The following CDH6 variants were observed in gnomAD, a reference collection of about 807,000 sequenced individuals.
CDH6 encodes the protein cadherin-6.
CDH6 carries 31 observed loss-of-function variants against 78.0 expected under a neutral mutation model. The ratio of observed to expected loss-of-function variants is 0.40; its 90% confidence interval spans 0.30 to 0.54. The LOEUF (loss-of-function observed/expected upper bound fraction) is 0.54, where lower values mean the gene tolerates loss of function less well. CDH6 is among the 20% of genes least tolerant of loss of function. The probability of loss-of-function intolerance (pLI) is 0.56; values close to 1 mark genes in which losing one functional copy is unlikely to be tolerated. For synonymous variants in CDH6, 376 were observed against 368.8 expected, an observed-to-expected ratio of 1.02 and a Z score of -0.23; for missense variants, 724 against 975.9, an observed-to-expected ratio of 0.74 and a Z score of 3.44.
intron 1 of CDH6, among the ~76,000 whole-genome samples, chr5:31,227,442 TAAAC>T (rs1741184281): frequency 1.3e-5 from 2 of 152,190 alleles, no homozygotes; most frequent in Admixed American, 1.3e-4. Flanking sequence ...ATATAATAAA[TAAAC>T]AAGCATATAC....
chr5:31,237,870 C>G (rs534024661), intron 1 of CDH6, among the ~76,000 whole-genome samples: 1 of 152,306 alleles, frequency 6.6e-6, no homozygotes, highest in Non-Finnish European at 1.5e-5. Flanking sequence ...CAACTTCTTG[C>G]AAACTCTGGA....
intron 6 of CDH6, among the ~76,000 whole-genome samples, chr5:31,304,418 GGCTC>G (rs1737917548): frequency 6.6e-6 from 1 of 152,160 alleles, no homozygotes; most frequent in Non-Finnish European, 1.5e-5. Context: ...CAGGCACCGT[GGCTC>G]ACGCTTGTAA....
intron 2 of CDH6, among the ~76,000 whole-genome samples, chr5:31,277,537 T>C (rs1466183917): frequency 2.6e-5 from 4 of 152,358 alleles, no homozygotes; most frequent in African/African-American, 9.6e-5. Context: ...TTACCCTGAA[T>C]GTTTCACCTT....
At chr5:31,318,272 T>C (rs3792833) in intron 11 of CDH6, 32,916 of 552,636 alleles carry the variant, frequency 0.06, 1,219 homozygotes, top group East Asian at 0.12. Flanking sequence ...CGTTGTTAAG[T>C]GTCTGGCATG....
intron 1 of CDH6, among the ~76,000 whole-genome samples, chr5:31,208,017 C>T (rs181442142): frequency 1.3e-5 from 2 of 152,270 alleles, no homozygotes; most frequent in South Asian, 2.1e-4. Flanking sequence ...AGGGGGCTAA[C>T]GCTAGATTGG....
chr5:31,325,489 A>C lies in CDH6; in HGVS notation c.*2181A>C, dbSNP rs1738605717. Reference sequence around the variant, plus strand: ...ATAGCAATAGAACAGCACCTTAATCACACGATTTACTGTAAAATTAAAGAG... The same window carrying C: ...ATAGCAATAGAACAGCACCTTAATCCCACGATTTACTGTAAAATTAAAGAG... On this transcript the variant is annotated 3_prime_UTR_variant, in exon 12 of 12. Transcript: ENST00000265071. 1 of 231,112 alleles carries C rather than the reference A, an allele frequency of 4.3e-6. No homozygotes were observed. Among genetic ancestry groups the C allele is most frequent in the Non-Finnish European group, 8.6e-6 (1 of 116,836 alleles). The allele number at this position is 231,112 out of a possible 1,614,324, so 14.3% of individuals were successfully genotyped here.
intron 1 of CDH6, among the ~76,000 whole-genome samples, chr5:31,200,291 G>C (rs1740314785): frequency 6.6e-6 from 1 of 151,990 alleles, no homozygotes; most frequent in African/African-American, 2.4e-5. Context: ...TTTCAGGAAG[G>C]TAGCTAAAAT....
intron 2 of CDH6, among the ~76,000 whole-genome samples, chr5:31,273,341 T>C (rs1028480749): frequency 7.2e-5 from 11 of 152,214 alleles, no homozygotes; most frequent in African/African-American, 2.4e-4. Flanking sequence ...TTGCTTCAAA[T>C]AGCAATGTCA....
At chr5:31,309,157 G>T (rs994744097) in intron 7 of CDH6, among the ~76,000 whole-genome samples, 4 of 151,996 alleles carry the variant, frequency 2.6e-5, no homozygotes, top group African/African-American at 4.8e-5. Flanking sequence ...ATAAGTTTAT[G>T]TACATTGAAA....
intron 1 of CDH6, among the ~76,000 whole-genome samples, chr5:31,242,704 G>GGA (rs142319188): frequency 1.3e-5 from 2 of 150,758 alleles, no homozygotes; most frequent in South Asian, 2.2e-4. Flanking sequence ...ATAAGAATGG[G>GGA]GGGGGGCGGT....
At chr5:31,254,520 T>C (rs1272560255) in intron 1 of CDH6, among the ~76,000 whole-genome samples, 1 of 152,156 alleles carries the variant, frequency 6.6e-6, no homozygotes, top group Non-Finnish European at 1.5e-5. Context: ...GAAAAGGCAT[T>C]ACATTGTGGG....
chr5:31,326,680 AATT>A lies in CDH6; in HGVS notation c.*3373_*3375del, dbSNP rs1304911791. On this transcript the variant is annotated 3_prime_UTR_variant, in exon 12 of 12. Coordinates refer to ENST00000265071, the MANE Select transcript of CDH6 (RefSeq NM_004932.4). ...CAAAGAGTTGTGCAGAAAATCTTAA[AATT>A]TTTTTTTTTTTTTTTTTTTTTTTTT... The A allele has an allele frequency of 1.2e-3, 152 of 130,384 alleles. 8 individuals are homozygous for A. Among genetic ancestry groups the A allele is most frequent in the African/African-American group, 3.6e-3 (125 of 34,390 alleles). The allele number at this position is 130,384 out of a possible 1,614,324, so 8.1% of individuals were successfully genotyped here.
chr5:31,316,346 A>G lies in CDH6; in HGVS notation c.1512+17A>G. 3 of 1,599,398 alleles carry G rather than the reference A, an allele frequency of 1.9e-6. No individual in the cohort carries two copies. Among genetic ancestry groups the G allele is most frequent in the Non-Finnish European group, 2.6e-6 (3 of 1,173,614 alleles). ...GCAGATCAGGTGAGTTTCATTAAAA[A>G]GTATATTCAAGTTGAACATCAGATT... On this transcript the variant is annotated intron_variant, in intron 9 of 11. Coordinates refer to ENST00000265071, the MANE Select transcript of CDH6 (RefSeq NM_004932.4).
At chr5:31,273,090 T>C (rs1157503971) in intron 2 of CDH6, among the ~76,000 whole-genome samples, 2 of 152,186 alleles carry the variant, frequency 1.3e-5, no homozygotes, top group Non-Finnish European at 2.9e-5. Context: ...TTGTCAGCCA[T>C]ACACACCTTT....
chr5:31,195,073 C>A (rs924765456), intron 1 of CDH6, among the ~76,000 whole-genome samples: 11 of 151,492 alleles, frequency 7.3e-5, no homozygotes, highest in Non-Finnish European at 1.5e-5. Context: ...ATTTCTGTCT[C>A]CTACTCCCAT....
chr5:31,241,730 A>G (rs750123082), intron 1 of CDH6, among the ~76,000 whole-genome samples: 2 of 152,232 alleles, frequency 1.3e-5, no homozygotes, highest in Non-Finnish European at 2.9e-5. Flanking sequence ...AAGTTTTTAT[A>G]GGATAGGCCT....
chr5:31,254,145 C>T (rs1395822462), intron 1 of CDH6, among the ~76,000 whole-genome samples: 1 of 152,200 alleles, frequency 6.6e-6, no homozygotes, highest in African/African-American at 2.4e-5. Context: ...ACACGACCCA[C>T]CTGTTAGTCA....
chr5:31,254,480 A>G (rs1276111246), intron 1 of CDH6, among the ~76,000 whole-genome samples: 1 of 152,198 alleles, frequency 6.6e-6, no homozygotes, highest in Non-Finnish European at 1.5e-5. Context: ...AGTTATGGCC[A>G]TAGTACATGA....
rs981089377 is a variant in CDH6, at chr5:31,328,485, G to T, written c.*5177G>T. The T allele has an allele frequency of 4.8e-6, 1 of 207,058 alleles. No homozygotes were observed. Among genetic ancestry groups the T allele is most frequent in the Non-Finnish European group, 9.9e-6 (1 of 101,434 alleles). The allele number at this position is 207,058 out of a possible 1,614,324, so 12.8% of individuals were successfully genotyped here. On this transcript the variant is annotated 3_prime_UTR_variant, in exon 12 of 12. Transcript: ENST00000265071. ...TAAAACTGACCTGCTCGGAAGAAAC[G>T]TAGGAACGCTTCAAACCCACTGTAA...
Sources: gnomAD v4.1 joint callset for allele counts (sites outside exome capture counted in the v4.1 genomes callset) on GRCh38, gnomAD v4.1.1 for gene constraint, MANE v1.5 for transcripts, NCBI Gene and HGNC (gene_info 2026-07-23, HGNC 2026-07-21) for gene names.